CDH11: variants seen among roughly 807,000 people sequenced by gnomAD.
The protein encoded by CDH11 is cadherin-11.
In CDH11, 11 loss-of-function variants were observed where a neutral mutation model predicts 67.8. The observed-to-expected ratio is 0.16, with a 90% confidence interval of 0.10 to 0.27. The LOEUF (loss-of-function observed/expected upper bound fraction) is 0.27, where lower values mean the gene tolerates loss of function less well. Among genes scored for constraint, CDH11 ranks in the 10% least tolerant of loss-of-function variants. The probability of loss-of-function intolerance (pLI) is 1.00; values close to 1 mark genes in which losing one functional copy is unlikely to be tolerated. For synonymous variants in CDH11, 419 were observed against 400.0 expected (o/e 1.05, Z -0.57); for missense variants, 847 against 1,031.2 (o/e 0.82, Z 2.45).
At chr16:64,967,645 A>G (rs2071877864) in intron 11 of CDH11, among the ~76,000 whole-genome samples, 1 of 152,220 alleles carries the variant, frequency 6.6e-6, no homozygotes, top group African/African-American at 2.4e-5. Flanking sequence ...ATTACATACT[A>G]TTAAGTGGGA....
chr16:65,082,550 A>T (rs1276322634), intron 1 of CDH11, among the ~76,000 whole-genome samples: 1 of 152,316 alleles, frequency 6.6e-6, no homozygotes, highest in African/African-American at 2.4e-5. Flanking sequence ...TGTAAAATGT[A>T]AGCTCCAGAT....
chr16:65,040,410 G>A (rs565071825), intron 2 of CDH11, among the ~76,000 whole-genome samples: 8 of 152,200 alleles, frequency 5.3e-5, no homozygotes, highest in South Asian at 2.1e-4. Context: ...TTGTAGCGAC[G>A]TGGATGAAAC....
intron 11 of CDH11, 33 bp from the exon 12 acceptor site, chr16:64,951,051 A>G (rs1370022186): frequency 6.3e-7 from 1 of 1,597,262 alleles, no homozygotes; most frequent in Admixed American, 1.7e-5. Flanking sequence ...CCGTGCGCCC[A>G]GTCAAGACCA....
chr16:65,040,133 T>G (rs548527755), intron 2 of CDH11, among the ~76,000 whole-genome samples: 5 of 152,308 alleles, frequency 3.3e-5, no homozygotes, highest in South Asian at 2.1e-4. Context: ...CAACCATTGT[T>G]GAAGTCAGTG....
chr16:64,979,385 T>C (rs2142449020), intron 8 of CDH11, among the ~76,000 whole-genome samples: 1 of 152,258 alleles, frequency 6.6e-6, no homozygotes, highest in South Asian at 2.1e-4. Context: ...AAGCATAGGT[T>C]GGAGTGAGCT....
rs933024313 is a variant in CDH11, at chr16:64,975,621, T to C, written c.1254-2581A>G. 1.1e-4 allele frequency among the ~76,000 whole-genome samples: 16 copies of C among 152,238 alleles called. No homozygotes were observed. In the East Asian group the frequency reaches 3.1e-3, roughly 29 times the overall value. The stretch of plus-strand genomic sequence containing the variant: ...CCTGAGTGTCTGAGAGAGGGAGATT[T>C]AAAGACATTGAAAAAGAACATGCTT... On this transcript the variant is annotated intron_variant, in intron 8 of 12. Coordinates refer to ENST00000268603, the MANE Select transcript of CDH11 (RefSeq NM_001797.4).
intron 1 of CDH11, among the ~76,000 whole-genome samples, chr16:65,107,711 C>G (rs538146563): frequency 1.8e-3 from 271 of 152,320 alleles, no homozygotes; most frequent in Non-Finnish European, 3.2e-3. Context: ...GCAAAGCAAA[C>G]CTGTGCATTC....
intron 2 of CDH11, among the ~76,000 whole-genome samples, chr16:65,019,476 A>T (rs1260446645): frequency 6.6e-6 from 1 of 152,204 alleles, no homozygotes; most frequent in Non-Finnish European, 1.5e-5. Flanking sequence ...TTTTAATATT[A>T]CATGAAAATC....
chr16:64,997,933 T>C (rs1194030047), intron 4 of CDH11, among the ~76,000 whole-genome samples: 2 of 152,198 alleles, frequency 1.3e-5, no homozygotes, highest in Non-Finnish European at 2.9e-5. Flanking sequence ...TGAGGAATGT[T>C]TCTCAAAAGA....
rs2075321191 is a variant in CDH11 at position 65,121,105 on chromosome 16, C to T, written c.-298+775G>A. 6.6e-6 allele frequency among the ~76,000 whole-genome samples: 1 copy of T among 152,054 alleles called. No individual in the cohort carries two copies. Among genetic ancestry groups the T allele is most frequent in the African/African-American group, 2.4e-5 (1 of 41,430 alleles). On this transcript the variant is annotated intron_variant, in intron 1 of 12. Coordinates refer to ENST00000268603, the MANE Select transcript of CDH11 (RefSeq NM_001797.4). The surrounding 1 kb of genome is among the most constrained non-coding windows in gnomAD (Gnocchi z 4.1). ...TGTGGTTCTCAAAGTTAACGTTGACCCTGGCAGCTTTCGCCAATCCCAAGC... is the reference window on the plus strand; with the variant it reads ...TGTGGTTCTCAAAGTTAACGTTGACTCTGGCAGCTTTCGCCAATCCCAAGC...
chr16:64,947,983 C>T lies in CDH11; in HGVS notation c.2011G>A (p.Glu671Lys), dbSNP rs2071239608. ...ITYDDEGGGE[E>K]DTEAFDIATL... is the part of the protein sequence containing the mutation. Reference sequence around the variant, plus strand: ...GCAATATCAAAGGCTTCTGTGTCTTCTTCCCCACCCCCTTCATCATCATAA... The same window carrying T: ...GCAATATCAAAGGCTTCTGTGTCTTTTTCCCCACCCCCTTCATCATCATAA... The change falls in exon 13 of 13, where the codon GAA becomes AAA. Residue 671 changes from glutamate to lysine, a missense_variant. Transcript: ENST00000268603. The T allele has an allele frequency of 1.9e-6, 3 of 1,614,160 alleles. No homozygotes were observed. Among genetic ancestry groups the T allele is most frequent in the Middle Eastern group, 1.6e-4 (1 of 6,062 alleles).
chr16:64,950,733 G>T, intron 12 of CDH11, 34 bp downstream of exon 12: 2 of 1,603,206 alleles, frequency 1.2e-6, no homozygotes, highest in Non-Finnish European at 1.7e-6. Context: ...CGGTTGCCTG[G>T]CCCTTCCTGC....
At chr16:64,970,957 G>T (rs553296933) in intron 11 of CDH11, among the ~76,000 whole-genome samples, 1 of 152,188 alleles carries the variant, frequency 6.6e-6, no homozygotes, top group African/African-American at 2.4e-5. Context: ...ATCAGGTCTG[G>T]GACTACAAAA....
At chr16:65,074,771 G>A (rs1401932897) in intron 1 of CDH11, among the ~76,000 whole-genome samples, 1 of 152,160 alleles carries the variant, frequency 6.6e-6, no homozygotes, top group African/African-American at 2.4e-5. Context: ...GAAAGAGTTT[G>A]AGTAGTGATA....
At chr16:65,009,840 T>C (rs984494858) in intron 2 of CDH11, among the ~76,000 whole-genome samples, 8 of 152,182 alleles carry the variant, frequency 5.3e-5, no homozygotes, top group South Asian at 2.1e-4. Flanking sequence ...AAAATAGATG[T>C]GCAAAGCCAC....
intron 2 of CDH11, among the ~76,000 whole-genome samples, chr16:65,015,963 C>A (rs1268999916): frequency 6.6e-6 from 1 of 152,178 alleles, no homozygotes; most frequent in African/African-American, 2.4e-5. Context: ...ATGTATCCAT[C>A]CAGCTTAATC....
chr16:65,071,507 C>G (rs888982183), intron 1 of CDH11, among the ~76,000 whole-genome samples: 11 of 152,166 alleles, frequency 7.2e-5, no homozygotes, highest in African/African-American at 2.4e-4. Flanking sequence ...TAGTGGCTCT[C>G]TGTAACTAGG....
chr16:64,986,648 G>A (rs2072494035), intron 7 of CDH11: 2 of 152,028 alleles, frequency 1.3e-5, no homozygotes, highest in Non-Finnish European at 2.9e-5. Flanking sequence ...CTTTTCCAGA[G>A]GAGAAACCAG....
At chr16:65,037,429 T>C (rs1055221895) in intron 2 of CDH11, among the ~76,000 whole-genome samples, 2 of 152,164 alleles carry the variant, frequency 1.3e-5, no homozygotes, top group Non-Finnish European at 2.9e-5. Flanking sequence ...AACACCTGGA[T>C]ATTTGGAACT....
Sources: gnomAD v4.1 joint callset for allele counts (sites outside exome capture counted in the v4.1 genomes callset) on GRCh38, gnomAD v4.1.1 for gene constraint, Gnocchi (gnomAD v3.1) non-coding constraint, MANE v1.5 for transcripts, NCBI Gene and HGNC (gene_info 2026-07-23, HGNC 2026-07-21) for gene names.